The following SLC35D1 variants were observed in gnomAD, a reference collection of about 807,000 sequenced individuals.
SLC35D1 encodes the protein nucleotide sugar transporter SLC35D1.
SLC35D1 carries 31 observed loss-of-function variants against 46.7 expected under a neutral mutation model. That is an observed-to-expected ratio of 0.66 (90% CI 0.50 to 0.90). The LOEUF is 0.90. Among genes scored for constraint, SLC35D1 ranks in the 40% least tolerant of loss-of-function variants. SLC35D1 has a pLI of 0.00. For synonymous variants in SLC35D1, 195 were observed against 164.6 expected, an observed-to-expected ratio of 1.18 and a Z score of -1.41; for missense variants, 397 against 426.2, an observed-to-expected ratio of 0.93 and a Z score of 0.60.
At chr1:66,997,519 A>AAAAT (rs1553262615), downstream of SLC35D1, among the ~76,000 whole-genome samples, 586 of 74,024 alleles carry the variant, frequency 7.9e-3, 4 homozygotes, top group Middle Eastern at 0.031. Context: ...AAAAAAAAAA[A>AAAAT]ATATATATAT....
intron 8 of SLC35D1, among the ~76,000 whole-genome samples, chr1:67,030,997 C>T (rs1668007074): frequency 6.6e-6 from 1 of 152,136 alleles, no homozygotes; most frequent in African/African-American, 2.4e-5. Context: ...ATACGGTAAA[C>T]ATGAGTCTAC....
the SLC35D1 span, chr1:66,987,296 T>C: frequency 6.5e-6 from 1 of 152,750 alleles, no homozygotes; most frequent in African/African-American, 2.4e-5. Flanking sequence ...ATGAATTTAA[T>C]TTGCTTAAGA....
rs760454401 is a variant in SLC35D1, at chr1:67,019,214, C to T, written c.876+1155G>A. On this transcript the variant is annotated intron_variant, in intron 10 of 11. Transcript: ENST00000235345. ...TCCGTCTCCTTAACTAAAAACATGG[C>T]CTATTTCTCACATTCTCGCTACTCT... 3.9e-4 allele frequency among the ~76,000 whole-genome samples: 59 copies of T among 152,154 alleles called. 2 individuals carry two copies. Among genetic ancestry groups the T allele is most frequent in the African/African-American group, 9.6e-5 (4 of 41,460 alleles).
chr1:67,039,435 C>T (rs1268709397), intron 8 of SLC35D1, among the ~76,000 whole-genome samples: 1 of 151,516 alleles, frequency 6.6e-6, no homozygotes, highest in Non-Finnish European at 1.5e-5. Flanking sequence ...ACAATATGCA[C>T]AAAAATTTAT....
chr1:67,000,879 A>G lies in SLC35D1; in HGVS notation c.*3461T>C, dbSNP rs1667325530. 1 of 152,260 alleles carries G rather than the reference A, an allele frequency of 6.6e-6. No homozygotes were observed. Among genetic ancestry groups the G allele is most frequent in the Non-Finnish European group, 1.5e-5 (1 of 68,004 alleles). 9.4% of individuals were successfully genotyped at this position (152,260 alleles called of 1,614,324 possible). On this transcript the variant is annotated 3_prime_UTR_variant, in exon 12 of 12. Transcript: ENST00000235345. ...AGAAGATTAACTAATATGAGTTACA[A>G]AAGTCCTCTCGGATTAAAAAAATGC...
intron 10 of SLC35D1, among the ~76,000 whole-genome samples, chr1:67,013,171 C>CATATGTATATATATATATATATATATA (rs1484938863): frequency 3.4e-4 from 2 of 5,880 alleles, no homozygotes; most frequent in African/African-American, 1.3e-3. Flanking sequence ...TATATATATC[C>CATATGTATATATATATATATATATATA]TGTTCTTAAA....
chr1:66,994,938 A>G (rs1376465994), downstream of SLC35D1, among the ~76,000 whole-genome samples: 1 of 149,098 alleles, frequency 6.7e-6, no homozygotes, highest in East Asian at 1.9e-4. Context: ...AAAAAAAAAG[A>G]AGAAACAACT....
chr1:67,018,306 A>C (rs1252241426), intron 10 of SLC35D1, among the ~76,000 whole-genome samples: 4 of 152,198 alleles, frequency 2.6e-5, no homozygotes, highest in Non-Finnish European at 5.9e-5. Flanking sequence ...ATTTGAATAC[A>C]GGGATCCAGG....
intron 10 of SLC35D1, among the ~76,000 whole-genome samples, chr1:67,018,771 G>A (rs182557181): frequency 6.6e-6 from 1 of 152,296 alleles, no homozygotes; most frequent in Non-Finnish European, 1.5e-5. Flanking sequence ...CTTGTAGGAG[G>A]AATGGCTGAG....
the SLC35D1 span, among the ~76,000 whole-genome samples, chr1:66,988,786 T>C: frequency 1.3e-5 from 2 of 152,340 alleles, no homozygotes; most frequent in African/African-American, 4.8e-5. Context: ...TATGTTTCCA[T>C]ATACTCTAAT....
the SLC35D1 span, chr1:66,986,341 G>C: frequency 6.3e-7 from 1 of 1,576,548 alleles, no homozygotes. Context: ...TTATATAGCT[G>C]ATAGACCAAC....
At chr1:66,984,607 AAAGAGG>A in the SLC35D1 span, 1 of 1,608,962 alleles carries the variant, frequency 6.2e-7, no homozygotes, top group Non-Finnish European at 8.5e-7. Flanking sequence ...AATATTAAAC[AAAGAGG>A]AAGTAAAAGT....
At chr1:67,011,205 A>G (rs890129282) in intron 10 of SLC35D1, among the ~76,000 whole-genome samples, 11 of 152,110 alleles carry the variant, frequency 7.2e-5, no homozygotes, top group African/African-American at 2.7e-4. Flanking sequence ...TATTCTCCAT[A>G]TACACATCAA....
the SLC35D1 span, among the ~76,000 whole-genome samples, chr1:66,989,097 A>T: frequency 1.3e-5 from 2 of 151,096 alleles, no homozygotes; most frequent in Admixed American, 6.6e-5. Context: ...TTTGTCTTTT[A>T]AAAAAAAAAT....
intron 8 of SLC35D1, among the ~76,000 whole-genome samples, chr1:67,033,999 T>C (rs1162689016): frequency 6.6e-6 from 1 of 152,200 alleles, no homozygotes; most frequent in Non-Finnish European, 1.5e-5. Context: ...ACTGTAGATG[T>C]ATGGATTTAG....
downstream of SLC35D1, among the ~76,000 whole-genome samples, chr1:66,997,368 G>T (rs1005979402): frequency 6.6e-6 from 1 of 151,438 alleles, no homozygotes; most frequent in African/African-American, 2.4e-5. Flanking sequence ...AGCTGGGTGT[G>T]GTGGTATGCA....
intron 11 of SLC35D1, among the ~76,000 whole-genome samples, chr1:67,006,126 A>G (rs1667442841): frequency 6.6e-6 from 1 of 152,148 alleles, no homozygotes. Context: ...CTAGGATTAC[A>G]GGTGTGAGCC....
chr1:67,048,854 A>G (rs1228836252), intron 6 of SLC35D1, among the ~76,000 whole-genome samples: 2 of 152,242 alleles, frequency 1.3e-5, no homozygotes, highest in African/African-American at 2.4e-5. Context: ...TAGAATATCT[A>G]AGTTATGGCA....
chr1:67,013,242 T>G (rs1667613121), intron 10 of SLC35D1, among the ~76,000 whole-genome samples: 1 of 146,714 alleles, frequency 6.8e-6, no homozygotes, highest in East Asian at 2.0e-4. Context: ...ACTCTTAAAT[T>G]TTACTTCCTT....
Sources: allele counts gnomAD v4.1 joint callset (sites outside exome capture counted in the v4.1 genomes callset), GRCh38; gene constraint gnomAD v4.1.1; transcripts MANE v1.5; gene names NCBI Gene and HGNC (gene_info 2026-07-23, HGNC 2026-07-21).